The following FOXL1 variants were observed in gnomAD, a reference collection of about 807,000 sequenced individuals.
FOXL1 encodes forkhead box protein L1.
A neutral mutation model predicts 1.7 loss-of-function variants in FOXL1; 2 were observed. The observed-to-expected ratio is 1.21, with a 90% CI of 0.49 to 3.80. FOXL1 has a LOEUF of 3.80. Ranked by LOEUF, FOXL1 falls within the 30% of genes most tolerant of loss-of-function variation. The probability of loss-of-function intolerance (pLI) is 0.07; values close to 1 mark genes in which losing one functional copy is unlikely to be tolerated. For missense variants in FOXL1, 565 were observed against 495.8 expected, an observed-to-expected ratio of 1.14 and a Z score of -1.32; for synonymous variants, 280 against 229.3, an observed-to-expected ratio of 1.22 and a Z score of -2.00.
At position 86,579,012 on chromosome 16, in the gene FOXL1, A is replaced by C; in HGVS notation, c.289A>C (p.Ile97Leu). The change falls in exon 1 of 1, where the codon ATC (isoleucine) becomes CTC (leucine). Residue 97 changes from isoleucine (I) to leucine (L), a missense_variant. By Grantham distance (5) the Ile-to-Leu change is conservative (BLOSUM62 2). Coordinates refer to ENST00000320241, the MANE Select transcript of FOXL1 (RefSeq NM_005250.3). ...HDNRQGWQNS[I>L]RHNLSLNDCF... ...CAACCGGCAGGGCTGGCAGAACAGC[A>C]TCCGCCACAACCTCTCGCTCAACGA... is the stretch of plus-strand genomic sequence containing the variant. The C allele has an allele frequency of 6.2e-7, 1 of 1,614,054 alleles. No individual in the cohort carries two copies. Among genetic ancestry groups the C allele is most frequent in the Non-Finnish European group, 8.5e-7 (1 of 1,179,962 alleles).
rs370331025 is a variant in FOXL1, at chr16:86,578,855, C to T, written c.132C>T (p.Ala44=). Residue 44 remains alanine, a synonymous_variant, in exon 1 of 1, where the codon GCC becomes GCT. Transcript: ENST00000320241. ...CTGCTCTAGCTGCCTCGGGCCGGGC[C>T]GAGACCCCGCAGAAGCCTCCCTACA... ...PAAALAASGR[A]ETPQKPPYSY... The T allele has an allele frequency of 1.3e-4, 208 of 1,613,900 alleles. 2 individuals carry two copies. The South Asian group carries it at 2.1e-3, about 16-fold the overall frequency.
Position 86,579,778 on chromosome 16 carries a change from GTTC to G in FOXL1, c.*22_*24del. 6.2e-7 allele frequency: 1 copy of G among 1,603,796 alleles called. No individual in the cohort carries two copies. The highest frequency in any genetic ancestry group is 8.5e-7 in the Non-Finnish European group (1 of 1,172,256). On this transcript the variant is annotated 3_prime_UTR_variant, in exon 1 of 1. Coordinates refer to ENST00000320241, the MANE Select transcript of FOXL1 (RefSeq NM_005250.3). ...TTCCAGTAAAGCAAACAATGGCACG[GTTC>G]TTCTCCCGGCCCAGCCTGAGCCTCC...
chr16:86,582,781 T>C lies in FOXL1; in HGVS notation c.*3020T>C, dbSNP rs1304950699. On this transcript the variant is annotated 3_prime_UTR_variant, in exon 1 of 1. Coordinates refer to ENST00000320241, the MANE Select transcript of FOXL1 (RefSeq NM_005250.3). ...ACTTTAACCCAAGTATTGATACTATTTGAAAGATTTTGTTTTTCTATATAG... is the reference window on the plus strand; with the variant it reads ...ACTTTAACCCAAGTATTGATACTATCTGAAAGATTTTGTTTTTCTATATAG... Among the ~76,000 whole-genome samples, 7 of 152,134 alleles carry C rather than the reference T, an allele frequency of 4.6e-5. No homozygotes were observed. The highest frequency in any genetic ancestry group is 3.9e-4 in the Admixed American group (6 of 15,264).
Position 86,579,382 on chromosome 16 carries a change from A to T in FOXL1, c.659A>T (p.Asp220Val). 6.6e-7 allele frequency: 1 copy of T among 1,511,738 alleles called. No homozygotes were observed. Among genetic ancestry groups the T allele is most frequent in the Non-Finnish European group, 8.8e-7 (1 of 1,136,024 alleles). The allele number at this position is 1,511,738 out of a possible 1,614,324, so 93.6% of individuals were successfully genotyped here. ...GCGTCCCCGAACGAGGACGCTGGTG[A>T]CGCTGCCCAGGGCGCAGCGGCCGTG... ...GTASPNEDAGDAAQGAAAVAV... is the reference protein window; with the variant it reads ...GTASPNEDAGVAAQGAAAVAV... The change falls in exon 1 of 1, where the codon GAC (aspartate) becomes GTC (valine). Residue 220 changes from aspartate (D) to valine (V), a missense_variant. Coordinates refer to ENST00000320241, the MANE Select transcript of FOXL1 (RefSeq NM_005250.3).
In FOXL1 at chr16:86,579,468, C is replaced by G. The variant is rs202031875; in HGVS notation, c.745C>G (p.Arg249Gly). ...GGGGTCCCCTCTGCGCCCCGCCTCCCGCAGCTCTCCGAAGAGCTCCGACAA... is the reference window on the plus strand; with the variant it reads ...GGGGTCCCCTCTGCGCCCCGCCTCCGGCAGCTCTCCGAAGAGCTCCGACAA... Reference protein sequence around the residue: ...GPGSPLRPASRSSPKSSDKSK... With the variant: ...GPGSPLRPASGSSPKSSDKSK... Residue 249 changes from arginine to glycine, a missense_variant, in exon 1 of 1, where the codon CGC becomes GGC. Transcript: ENST00000320241. 1.9e-6 allele frequency: 3 copies of G among 1,561,710 alleles called. No individual in the cohort carries two copies. In the Admixed American group the frequency reaches 5.7e-5, roughly 30 times the overall value.
rs574929113 is a variant in FOXL1 at position 86,578,661 on chromosome 16, G to T, written c.-63G>T. On this transcript the variant is annotated 5_prime_UTR_variant, in exon 1 of 1. Coordinates refer to ENST00000320241, the MANE Select transcript of FOXL1 (RefSeq NM_005250.3). ...CGGGAGGGCCCTTGCGGCGCGGGGC[G>T]CAGTGCCTAGGCCGCCCGGGTCTCC... is the stretch of plus-strand genomic sequence containing the variant. 2 of 1,456,480 alleles carry T rather than the reference G, an allele frequency of 1.4e-6. No homozygotes were observed. The highest frequency in any genetic ancestry group is 1.3e-5 in the South Asian group (1 of 74,080). 90.2% of individuals were successfully genotyped at this position (1,456,480 alleles called of 1,614,324 possible). A position where few individuals can be genotyped will look rare whatever the true frequency, so the allele number is the denominator to read the frequency against.
rs1350588695 is a variant in FOXL1, at chr16:86,583,095, G to A, written c.*3334G>A. Among the ~76,000 whole-genome samples, 1 of 150,630 alleles carries A rather than the reference G, an allele frequency of 6.6e-6. No homozygotes were observed. On this transcript the variant is annotated 3_prime_UTR_variant, in exon 1 of 1. Coordinates refer to ENST00000320241, the MANE Select transcript of FOXL1 (RefSeq NM_005250.3). ...CATAAGAGTTTTGAGAACCTGAATAGGACCTTCTTAGCCATTTTCAGATTT... is the reference window on the plus strand; with the variant it reads ...CATAAGAGTTTTGAGAACCTGAATAAGACCTTCTTAGCCATTTTCAGATTT...
rs1253616275 is a variant in FOXL1, at chr16:86,579,239, G to C, written c.516G>C (p.Ala172=). ...HQRSAEAQPE[A]GSGAGGSGPA... ...GCAGCGCGGAGGCGCAGCCGGAGGC[G>C]GGGAGCGGGGCAGGGGGCTCGGGCC... Residue 172 remains alanine (A), a synonymous_variant, in exon 1 of 1, where the codon GCG becomes GCC. Coordinates refer to ENST00000320241, the MANE Select transcript of FOXL1 (RefSeq NM_005250.3). 1.3e-6 allele frequency: 2 copies of C among 1,516,726 alleles called. No homozygotes were observed. The highest frequency in any genetic ancestry group is 2.2e-5 in the Admixed American group (1 of 46,208). The allele number at this position is 1,516,726 out of a possible 1,614,324, so 94.0% of individuals were successfully genotyped here. A position where few individuals can be genotyped will look rare whatever the true frequency, so the allele number is the denominator to read the frequency against.
rs1974391710 is a variant in FOXL1, at chr16:86,579,900, T to C, written c.*139T>C. Reference sequence around the variant, plus strand: ...GGGTTCAGGGAAGTGTTACCAACCATTGCGCGCAGGTGGGCGCGCTCGCCT... The same window carrying C: ...GGGTTCAGGGAAGTGTTACCAACCACTGCGCGCAGGTGGGCGCGCTCGCCT... On this transcript the variant is annotated 3_prime_UTR_variant, in exon 1 of 1. Transcript: ENST00000320241. The C allele has an allele frequency of 2.3e-6, 2 of 872,080 alleles. No homozygotes were observed. Among genetic ancestry groups the C allele is most frequent in the South Asian group, 3.6e-5 (2 of 55,488 alleles). The allele number at this position is 872,080 out of a possible 1,614,324, so 54.0% of individuals were successfully genotyped here. A position where few individuals can be genotyped will look rare whatever the true frequency, so the allele number is the denominator to read the frequency against.
At position 86,579,478 on chromosome 16, in the gene FOXL1, C is replaced by A. The variant is rs757603898; in HGVS notation, c.755C>A (p.Pro252Gln). 6.4e-6 allele frequency: 10 copies of A among 1,569,442 alleles called. No individual in the cohort carries two copies. The East Asian group carries it at 2.1e-4, about 33-fold the overall frequency. ...SPLRPASRSSPKSSDKSKSFS... is the reference protein window; with the variant it reads ...SPLRPASRSSQKSSDKSKSFS... ...CTGCGCCCCGCCTCCCGCAGCTCTC[C>A]GAAGAGCTCCGACAAGTCCAAGAGC... The change falls in exon 1 of 1, where the codon CCG becomes CAG. Residue 252 changes from proline (P) to glutamine (Q), a missense_variant. Coordinates refer to ENST00000320241, the MANE Select transcript of FOXL1 (RefSeq NM_005250.3).
Position 86,579,915 on chromosome 16 carries a change from C to T in FOXL1, c.*154C>T. ...TTACCAACCATTGCGCGCAGGTGGG[C>T]GCGCTCGCCTGCCTTCTCCGAAGCA... On this transcript the variant is annotated 3_prime_UTR_variant, in exon 1 of 1. Transcript: ENST00000320241. 1 of 749,784 alleles carries T rather than the reference C, an allele frequency of 1.3e-6. No individual in the cohort carries two copies. Among genetic ancestry groups the T allele is most frequent in the South Asian group, 1.9e-5 (1 of 51,874 alleles). 46.4% of individuals were successfully genotyped at this position (749,784 alleles called of 1,614,324 possible). A position where few individuals can be genotyped will look rare whatever the true frequency, so the allele number is the denominator to read the frequency against.
chr16:86,578,951 C>T lies in FOXL1; in HGVS notation c.228C>T (p.Tyr76=), dbSNP rs1400299070. 6.2e-7 allele frequency: 1 copy of T among 1,614,082 alleles called. No homozygotes were observed. The highest frequency in any genetic ancestry group is 1.3e-5 in the African/African-American group (1 of 74,948). Residue 76 remains tyrosine, a synonymous_variant, in exon 1 of 1, where the codon TAC becomes TAT. Transcript: ENST00000320241. ...PEQRVTLNGI[Y]QFIMDRFPFY... ...AGAGGGTCACGCTCAACGGCATCTA[C>T]CAGTTCATCATGGACCGCTTCCCCT...
rs1338942290 is a variant in FOXL1, at chr16:86,581,968, GTT to G, written c.*2210_*2211del. 6.6e-6 allele frequency: 1 copy of G among 152,166 alleles called. No individual in the cohort carries two copies. The highest frequency in any genetic ancestry group is 1.5e-5 in the Non-Finnish European group (1 of 68,032). 9.4% of individuals were successfully genotyped at this position (152,166 alleles called of 1,614,324 possible). On this transcript the variant is annotated 3_prime_UTR_variant, in exon 1 of 1. Coordinates refer to ENST00000320241, the MANE Select transcript of FOXL1 (RefSeq NM_005250.3). ...TTGTGTTTGTATGTTATCTTGGGAG[GTT>G]TTGTTAATTTGTGATGGCTATGTTT... is the stretch of plus-strand genomic sequence containing the variant.
chr16:86,579,907 C>T lies in FOXL1; in HGVS notation c.*146C>T. 1 of 801,704 alleles carries T rather than the reference C, an allele frequency of 1.2e-6. No individual in the cohort carries two copies. Among genetic ancestry groups the T allele is most frequent in the Non-Finnish European group, 2.0e-6 (1 of 507,586 alleles). 49.7% of individuals were successfully genotyped at this position (801,704 alleles called of 1,614,324 possible). On this transcript the variant is annotated 3_prime_UTR_variant, in exon 1 of 1. Transcript: ENST00000320241. ...GGGAAGTGTTACCAACCATTGCGCG[C>T]AGGTGGGCGCGCTCGCCTGCCTTCT... is the stretch of plus-strand genomic sequence containing the variant.
chr16:86,582,093 G>C lies in FOXL1; in HGVS notation c.*2332G>C, dbSNP rs1974421030. The C allele has an allele frequency of 6.6e-6, 1 of 152,106 alleles. No individual in the cohort carries two copies. Among genetic ancestry groups the C allele is most frequent in the South Asian group, 2.1e-4 (1 of 4,830 alleles). 9.4% of individuals were successfully genotyped at this position (152,106 alleles called of 1,614,324 possible). ...GTACGAATGTTACTTTTATGACACAGAAAAAATGCAGATGTATCCACTTTG... is the reference window on the plus strand; with the variant it reads ...GTACGAATGTTACTTTTATGACACACAAAAAATGCAGATGTATCCACTTTG... On this transcript the variant is annotated 3_prime_UTR_variant, in exon 1 of 1. Transcript: ENST00000320241.
Position 86,580,683 on chromosome 16 carries a change from G to A in FOXL1, c.*922G>A, listed in dbSNP as rs891735835. ...CAAAATATTTCAAGGGATACCATGAGGAAGGGTGTGAGGGGAAGGGGATAT... is the reference window on the plus strand; with the variant it reads ...CAAAATATTTCAAGGGATACCATGAAGAAGGGTGTGAGGGGAAGGGGATAT... On this transcript the variant is annotated 3_prime_UTR_variant, in exon 1 of 1. Transcript: ENST00000320241. 8.4e-5 allele frequency: 14 copies of A among 167,128 alleles called. 1 individual carries two copies. The highest frequency in any genetic ancestry group is 3.1e-4 in the African/African-American group (13 of 41,548). 10.4% of individuals were successfully genotyped at this position (167,128 alleles called of 1,614,324 possible).
At position 86,579,303 on chromosome 16, in the gene FOXL1, TCG is replaced by T; in HGVS notation, c.582_583del (p.Leu196ProfsTer24). 8.4e-7 allele frequency: 1 copy of T among 1,197,014 alleles called. No homozygotes were observed. The highest frequency in any genetic ancestry group is 1.1e-6 in the Non-Finnish European group (1 of 947,712). The allele number at this position is 1,197,014 out of a possible 1,614,324, so 74.1% of individuals were successfully genotyped here. On this transcript the variant is annotated frameshift_variant, in exon 1 of 1. Transcript: ENST00000320241. LOFTEE classifies it low-confidence loss of function (END_TRUNC). ...SRLQAAPAGP[S>X]PLLDGPSPPA... is the part of the protein sequence containing the mutation. Reference sequence around the variant, plus strand: ...CCTGCAGGCAGCGCCCGCGGGCCCCTCGCCCCTCCTGGACGGCCCCTCTCCGC... The same window carrying T: ...CCTGCAGGCAGCGCCCGCGGGCCCCTCCCCTCCTGGACGGCCCCTCTCCGC...
chr16:86,578,788 GT>G lies in FOXL1; in HGVS notation c.66del (p.Glu24ArgfsTer15). 1 of 1,613,248 alleles carries G rather than the reference GT, an allele frequency of 6.2e-7. No homozygotes were observed. Among genetic ancestry groups the G allele is most frequent in the Non-Finnish European group, 8.5e-7 (1 of 1,179,896 alleles). On this transcript the variant is annotated frameshift_variant, in exon 1 of 1. Transcript: ENST00000320241. LOFTEE classifies it low-confidence loss of function (END_TRUNC). ...GCCTCGCCCATGCTGTATCTGTACGGTCCCGAGAGACCCGGCCTCCCTCTGG... is the reference window on the plus strand; with the variant it reads ...GCCTCGCCCATGCTGTATCTGTACGGCCCGAGAGACCCGGCCTCCCTCTGG... ...LAASPMLYLY[G>X]PERPGLPLAF...
chr16:86,579,171 G>C lies in FOXL1; in HGVS notation c.448G>C (p.Gly150Arg), dbSNP rs1036789070. 1.2e-6 allele frequency: 2 copies of C among 1,607,706 alleles called. No homozygotes were observed. The highest frequency in any genetic ancestry group is 1.7e-6 in the Non-Finnish European group (2 of 1,177,722). The change falls in exon 1 of 1, where the codon GGG becomes CGG. Residue 150 changes from glycine to arginine, a missense_variant. Physicochemically the swap from Gly to Arg is moderately radical, Grantham distance 125. Coordinates refer to ENST00000320241, the MANE Select transcript of FOXL1 (RefSeq NM_005250.3). The stretch of plus-strand genomic sequence containing the variant: ...GAAGAGGAAGCCCAAGCCGGGCCCC[G>C]GGGCCCCGGAGGCCAAGAGGCCCCG... ...RRKRKPKPGPGAPEAKRPRAE... is the reference protein window; with the variant it reads ...RRKRKPKPGPRAPEAKRPRAE...
Sources: allele counts gnomAD v4.1 joint callset (sites outside exome capture counted in the v4.1 genomes callset), GRCh38; gene constraint gnomAD v4.1.1; transcripts MANE v1.5; gene names NCBI Gene and HGNC (gene_info 2026-07-23, HGNC 2026-07-21).